ITSN1: variants seen among roughly 807,000 people sequenced by gnomAD.
The protein encoded by ITSN1 is intersectin-1.
A neutral mutation model predicts 239.8 loss-of-function variants in ITSN1; 58 were observed. The observed-to-expected ratio is 0.24, with a 90% CI of 0.20 to 0.30. The LOEUF (loss-of-function observed/expected upper bound fraction) is 0.30, where lower values mean the gene tolerates loss of function less well. Ranked by LOEUF, ITSN1 falls within the 10% of genes least tolerant of loss-of-function variation. The pLI, the probability that ITSN1 is intolerant of heterozygous loss-of-function variation, is 1.00. For missense variants in ITSN1, 1,558 were observed against 2,103.3 expected (o/e 0.74, Z 5.07); for synonymous variants, 780 against 770.8 (o/e 1.01, Z -0.20).
chr21:33,724,509 C>G (rs938467005), intron 4 of ITSN1, among the ~76,000 whole-genome samples: 2 of 152,224 alleles, frequency 1.3e-5, no homozygotes, highest in Non-Finnish European at 2.9e-5. Context: ...TGTCTCATAC[C>G]ATCAGGACCT....
chr21:33,827,605 A>C (rs2074045259), intron 26 of ITSN1, among the ~76,000 whole-genome samples: 2 of 151,902 alleles, frequency 1.3e-5, no homozygotes, highest in African/African-American at 4.8e-5. Flanking sequence ...AGGTCCCATT[A>C]ATGTAGAAGC....
Position 33,882,385 on chromosome 21 carries a change from C to T in ITSN1, c.4484C>T (p.Pro1495Leu), listed in dbSNP as rs780230800. ...DFLLLTQITK[P>L]LGSSGTDKVF... ...CTCCTGCTGACTCAGATCACGAAGC[C>T]TTTGGGGTCTTCTGGCACCGACAAA... The change falls in exon 35 of 40, where the codon CCT (proline) becomes CTT (leucine). Residue 1495 changes from proline (P) to leucine (L), a missense_variant. This residue lies in a region of ITSN1 where 576 missense variants were observed against 893.3 expected (regional missense o/e 0.64). Transcript: ENST00000381318. This position sits in a 1 kb window ranked among gnomAD's most constrained non-coding sequence, Gnocchi z 4.5. 6 of 1,614,150 alleles carry T rather than the reference C, an allele frequency of 3.7e-6. No homozygotes were observed. In the East Asian group the frequency reaches 1.3e-4, roughly 36 times the overall value.
intron 1 of ITSN1, among the ~76,000 whole-genome samples, chr21:33,694,508 T>C (rs2091704359): frequency 6.6e-6 from 1 of 152,154 alleles, no homozygotes. Context: ...GGAAAGAACA[T>C]TTTTCCTTTA....
intron 1 of ITSN1, among the ~76,000 whole-genome samples, chr21:33,661,357 A>G (rs1254988872): frequency 6.6e-6 from 1 of 152,224 alleles, no homozygotes; most frequent in Non-Finnish European, 1.5e-5. Flanking sequence ...ACAAGCATTA[A>G]GCATGTGTAC....
chr21:33,681,389 A>T (rs2090945124), intron 1 of ITSN1, among the ~76,000 whole-genome samples: 1 of 152,126 alleles, frequency 6.6e-6, no homozygotes, highest in South Asian at 2.1e-4. Flanking sequence ...CTAATGCATG[A>T]TAGCTGATTA....
At chr21:33,666,469 AAT>A (rs1209756068) in intron 1 of ITSN1, among the ~76,000 whole-genome samples, 11 of 107,594 alleles carry the variant, frequency 1.0e-4, no homozygotes, top group Non-Finnish European at 1.1e-4. Flanking sequence ...ATTTAAAAAA[AAT>A]AAATATTTCG....
chr21:33,797,588 A>G lies in ITSN1; in HGVS notation c.2162A>G (p.Gln721Arg). The change falls in exon 18 of 40, where the codon CAG becomes CGG. Residue 721 changes from glutamine (Q) to arginine (R), a missense_variant. By Grantham distance (43) the Gln-to-Arg change is conservative (BLOSUM62 1). Transcript: ENST00000381318. This position sits in a 1 kb window ranked among gnomAD's most constrained non-coding sequence, Gnocchi z 4.9. ...CAAGAACCAGCTAAGCCAGCTGTCCAGGCACCCTGGTCCACTGCAGGTATT... is the reference window on the plus strand; with the variant it reads ...CAAGAACCAGCTAAGCCAGCTGTCCGGGCACCCTGGTCCACTGCAGGTATT... ...QHQEPAKPAV[Q>R]APWSTAEKGP... is the part of the protein sequence containing the mutation. 5 of 1,614,038 alleles carry G rather than the reference A, an allele frequency of 3.1e-6. No individual in the cohort carries two copies. The highest frequency in any genetic ancestry group is 4.2e-6 in the Non-Finnish European group (5 of 1,179,888).
chr21:33,730,044 A>G (rs78382990), intron 4 of ITSN1, among the ~76,000 whole-genome samples: 1,916 of 152,072 alleles, frequency 0.013, 23 homozygotes, highest in Non-Finnish European at 0.021. Context: ...TCTACCTCTT[A>G]CGTGGATATG....
intron 27 of ITSN1, among the ~76,000 whole-genome samples, chr21:33,833,839 T>C (rs994964448): frequency 7.0e-6 from 1 of 143,574 alleles, no homozygotes; most frequent in Non-Finnish European, 1.5e-5. Context: ...GCCACTGCAC[T>C]CCAGCCGGGG....
chr21:33,843,989 A>G (rs1356643081), intron 29 of ITSN1, among the ~76,000 whole-genome samples: 1 of 152,254 alleles, frequency 6.6e-6, no homozygotes, highest in Non-Finnish European at 1.5e-5. Flanking sequence ...TTAAACCAAA[A>G]CAGCAGGTAG....
chr21:33,702,115 T>C (rs374149683), intron 1 of ITSN1, among the ~76,000 whole-genome samples: 1 of 996 alleles, frequency 1.0e-3, no homozygotes, highest in Non-Finnish European at 2.2e-3. Flanking sequence ...TTTTTTTTTT[T>C]TTTTTTTTTT....
chr21:33,803,220 A>G (rs2072146367), intron 20 of ITSN1, among the ~76,000 whole-genome samples: 1 of 152,248 alleles, frequency 6.6e-6, no homozygotes, highest in Admixed American at 6.5e-5. Flanking sequence ...CATTGTTAGC[A>G]TGGTTGTATA....
rs189603380 is a variant in ITSN1, at chr21:33,672,103, C to T, written c.-33+29390C>T. The stretch of plus-strand genomic sequence containing the variant: ...CTACTAAAAATACAAAATTAGCCAG[C>T]GTGGTGGTGCATGCCTGTAATCCCA... On this transcript the variant is annotated intron_variant, in intron 1 of 39. Transcript: ENST00000381318. Among the ~76,000 whole-genome samples the T allele has an allele frequency of 1.8e-3, 280 of 151,682 alleles. 1 individual carries two copies. The highest frequency in any genetic ancestry group is 6.6e-3 in the African/African-American group (273 of 41,322).
rs1986420474 is a variant in ITSN1, at chr21:33,892,361, A to G, written c.*4061A>G. ...CGTGGGGTGCTGAAATTCCTGCTAG[A>G]GACTTCCCCTTACTTCCATGAATGG... On this transcript the variant is annotated 3_prime_UTR_variant, in exon 40 of 40. Transcript: ENST00000381318. 6.6e-6 allele frequency: 1 copy of G among 152,336 alleles called. No individual in the cohort carries two copies. The highest frequency in any genetic ancestry group is 1.9e-4 in the East Asian group (1 of 5,188). The allele number at this position is 152,336 out of a possible 1,614,324, so 9.4% of individuals were successfully genotyped here.
intron 34 of ITSN1, among the ~76,000 whole-genome samples, chr21:33,880,058 G>A (rs1374239562): frequency 6.6e-6 from 1 of 152,166 alleles, no homozygotes; most frequent in African/African-American, 2.4e-5. Context: ...CAGTCTTCCT[G>A]GCTATCATGC....
intron 34 of ITSN1, among the ~76,000 whole-genome samples, chr21:33,880,877 A>G (rs1465505174): frequency 1.3e-5 from 2 of 151,774 alleles, no homozygotes; most frequent in Non-Finnish European, 1.5e-5. Context: ...CTTGCTGTCA[A>G]AAAGGGGGCC....
chr21:33,717,712 C>T (rs553530587), intron 1 of ITSN1, among the ~76,000 whole-genome samples: 77 of 147,808 alleles, frequency 5.2e-4, no homozygotes, highest in Middle Eastern at 3.4e-3. Flanking sequence ...CCCGCCACCA[C>T]GCCCAGCTAA....
intron 1 of ITSN1, among the ~76,000 whole-genome samples, chr21:33,707,400 A>T (rs1217974930): frequency 2.0e-5 from 3 of 152,096 alleles, no homozygotes; most frequent in African/African-American, 7.2e-5. Context: ...CACTTTACAG[A>T]TGTGAGGCAC....
chr21:33,765,373 C>G (rs984424019), intron 9 of ITSN1, among the ~76,000 whole-genome samples: 1 of 152,110 alleles, frequency 6.6e-6, no homozygotes, highest in East Asian at 1.9e-4. Context: ...TGGCGCACAC[C>G]TTGTAATCTC....
Sources: allele counts gnomAD v4.1 joint callset (sites outside exome capture counted in the v4.1 genomes callset), GRCh38; gene constraint gnomAD v4.1.1; regional missense constraint gnomAD v4.1.1; non-coding constraint Gnocchi (gnomAD v3.1); transcripts MANE v1.5; gene names NCBI Gene and HGNC (gene_info 2026-07-23, HGNC 2026-07-21).